The following MGAT5 variants were observed in gnomAD, a reference collection of about 807,000 sequenced individuals.
The protein encoded by MGAT5 is alpha-1,6-mannosylglycoprotein 6-beta-N-acetylglucosaminyltransferase A.
In MGAT5, 30 loss-of-function variants were observed where a neutral mutation model predicts 94.3. That is an observed-to-expected ratio of 0.32 (90% CI 0.24 to 0.43). The LOEUF (loss-of-function observed/expected upper bound fraction) is 0.43. Ranked by LOEUF, MGAT5 falls within the 20% of genes least tolerant of loss-of-function variation. MGAT5 has a pLI of 1.00. For missense variants in MGAT5, 691 were observed against 905.5 expected (o/e 0.76, Z 3.04); for synonymous variants, 310 against 322.9 (o/e 0.96, Z 0.43).
chr2:134,244,350 G>T (rs1682123791), intron 1 of MGAT5, among the ~76,000 whole-genome samples: 1 of 151,696 alleles, frequency 6.6e-6, no homozygotes, highest in African/African-American at 2.4e-5. Context: ...TCCAGATTTG[G>T]TCTTGCTCAA....
At chr2:134,314,001 T>TA (rs1207361660) in intron 2 of MGAT5, among the ~76,000 whole-genome samples, 1 of 152,210 alleles carries the variant, frequency 6.6e-6, no homozygotes, top group Non-Finnish European at 1.5e-5. Context: ...CAAAAACTAA[T>TA]AAAAATGTTT....
rs115690963 is a variant in MGAT5, at chr2:134,231,567, A to G, written c.-142-22695A>G. Among the ~76,000 whole-genome samples, 1,155 of 152,286 alleles carry G rather than the reference A, an allele frequency of 7.6e-3. 17 individuals are homozygous for G. The highest frequency in any genetic ancestry group is 0.026 in the African/African-American group (1,079 of 41,548). On this transcript the variant is annotated intron_variant, in intron 1 of 16. Transcript: ENST00000409645. ...TGTGGAATTCTTCCTTTCACTTTGG[A>G]ACACCATTTCTTAAAGAGATTATGG...
chr2:134,169,035 G>T (rs964516282), intron 1 of MGAT5, among the ~76,000 whole-genome samples: 4 of 152,146 alleles, frequency 2.6e-5, no homozygotes, highest in African/African-American at 9.7e-5. Context: ...TTGGATCCTG[G>T]GTGGGCACCA....
intron 12 of MGAT5, among the ~76,000 whole-genome samples, chr2:134,421,275 T>C (rs891587380): frequency 1.3e-5 from 2 of 152,214 alleles, no homozygotes; most frequent in Non-Finnish European, 2.9e-5. Flanking sequence ...ATTCAATGTA[T>C]GTTTGAACTG....
intron 1 of MGAT5, among the ~76,000 whole-genome samples, chr2:134,153,302 T>G (rs1409190625): frequency 1.3e-5 from 2 of 152,218 alleles, no homozygotes; most frequent in Admixed American, 6.5e-5. Flanking sequence ...TTGATCCCCT[T>G]AAGCCCTTTT....
At chr2:134,247,561 G>T (rs2105475426) in intron 1 of MGAT5, among the ~76,000 whole-genome samples, 1 of 151,956 alleles carries the variant, frequency 6.6e-6, no homozygotes, top group South Asian at 2.1e-4. Flanking sequence ...AACTTTTTTT[G>T]AAAAATGTTT....
At chr2:134,220,770 C>A (rs1257180) in intron 1 of MGAT5, among the ~76,000 whole-genome samples, 58,329 of 151,912 alleles carry the variant, frequency 0.38, 11,509 homozygotes, top group South Asian at 0.58. Flanking sequence ...CAGGGAACTT[C>A]CTTTTTTATC....
At chr2:134,289,982 A>C (rs1267021082) in intron 2 of MGAT5, among the ~76,000 whole-genome samples, 3 of 152,188 alleles carry the variant, frequency 2.0e-5, no homozygotes, top group Non-Finnish European at 4.4e-5. Context: ...ATGAGTATGT[A>C]CTGTGAGTAT....
At position 134,288,874 on chromosome 2, in the gene MGAT5, G is replaced by A. The variant is rs1341670503; in HGVS notation, c.406+18324G>A. Among the ~76,000 whole-genome samples, 3 of 152,250 alleles carry A rather than the reference G, an allele frequency of 2.0e-5. No individual in the cohort carries two copies. The East Asian group carries it at 5.8e-4, about 29-fold the overall frequency. ...CCCACACCTTCTGGAAATATCAGAT[G>A]TACAAAATGGGCTTCACTTGCTCAA... On this transcript the variant is annotated intron_variant, in intron 2 of 15. Transcript: ENST00000281923.
chr2:134,256,270 A>G (rs571590791), intron 1 of MGAT5, among the ~76,000 whole-genome samples: 39 of 152,338 alleles, frequency 2.6e-4, no homozygotes, highest in African/African-American at 9.4e-4. Flanking sequence ...AGTAGTTTAG[A>G]TAAACCAACA....
At chr2:134,285,625 T>C (rs1432414124) in intron 2 of MGAT5, among the ~76,000 whole-genome samples, 1 of 152,196 alleles carries the variant, frequency 6.6e-6, no homozygotes, top group African/African-American at 2.4e-5. Context: ...TGCTATATAC[T>C]TCATTCCTCC....
intron 1 of MGAT5, among the ~76,000 whole-genome samples, chr2:134,201,311 T>C (rs1679775999): frequency 6.6e-6 from 1 of 152,124 alleles, no homozygotes; most frequent in Admixed American, 6.5e-5. Context: ...GAACTATCTT[T>C]TGTTCTCTTT....
intron 12 of MGAT5, 109 bp downstream of exon 12, chr2:134,413,124 G>A (rs1362941309): frequency 6.3e-6 from 8 of 1,266,016 alleles, no homozygotes; most frequent in Non-Finnish European, 8.8e-6. Context: ...GGGAGGGTGA[G>A]GGTATAGAGG....
chr2:134,190,013 T>G (rs1474525330), intron 1 of MGAT5, among the ~76,000 whole-genome samples: 1 of 152,214 alleles, frequency 6.6e-6, no homozygotes, highest in Non-Finnish European at 1.5e-5. Context: ...TTTCTGAATT[T>G]GAGTCTTTGG....
At chr2:134,189,605 T>TTGTTTTGTTTTTTG (rs761974546) in intron 1 of MGAT5, among the ~76,000 whole-genome samples, 3 of 106,624 alleles carry the variant, frequency 2.8e-5, no homozygotes, top group African/African-American at 1.3e-4. Context: ...TTTTTTTGTT[T>TTGTTTTGTTTTTTG]TTTTTTTTTT....
chr2:134,410,794 G>A (rs1683604205), intron 11 of MGAT5, among the ~76,000 whole-genome samples: 1 of 152,170 alleles, frequency 6.6e-6, no homozygotes, highest in Non-Finnish European at 1.5e-5. Context: ...CACACTTCAT[G>A]GCAGGCCCTG....
At chr2:134,384,664 A>G (rs1261876863) in intron 10 of MGAT5, among the ~76,000 whole-genome samples, 1 of 152,238 alleles carries the variant, frequency 6.6e-6, no homozygotes, top group Non-Finnish European at 1.5e-5. Context: ...CATTTATGCT[A>G]TATCATGATA....
At chr2:134,432,406 T>C (rs558584093) in intron 14 of MGAT5, among the ~76,000 whole-genome samples, 1 of 152,284 alleles carries the variant, frequency 6.6e-6, no homozygotes, top group South Asian at 2.1e-4. Context: ...AGGATGTCTG[T>C]TCATCAGAGC....
At chr2:134,326,672 A>G (rs1321131322) in intron 4 of MGAT5, among the ~76,000 whole-genome samples, 1 of 152,062 alleles carries the variant, frequency 6.6e-6, no homozygotes, top group African/African-American at 2.4e-5. Context: ...TGGTTGTGTT[A>G]TGTAAGGAGA....
Sources: allele counts gnomAD v4.1 joint callset (sites outside exome capture counted in the v4.1 genomes callset), GRCh38; gene constraint gnomAD v4.1.1; transcripts MANE v1.5; gene names NCBI Gene and HGNC (gene_info 2026-07-23, HGNC 2026-07-21).